Variants in FBXL17 observed in about 807,000 individuals in gnomAD.
FBXL17 encodes F-box/LRR-repeat protein 17.
Under a neutral mutation model 66.2 loss-of-function variants are expected in FBXL17, and 22 were observed. That is an observed-to-expected ratio of 0.33 (90% CI 0.24 to 0.47). The LOEUF is 0.47. FBXL17 is among the 20% of genes least tolerant of loss of function. The probability of loss-of-function intolerance (pLI) is 1.00; values close to 1 mark genes in which losing one functional copy is unlikely to be tolerated. For synonymous variants in FBXL17, 474 were observed against 400.5 expected (o/e 1.18, Z -2.19); for missense variants, 878 against 948.2 (o/e 0.93, Z 0.97).
intron 7 of FBXL17, among the ~76,000 whole-genome samples, chr5:107,967,418 G>A (rs1277902917): frequency 6.6e-6 from 1 of 151,328 alleles, no homozygotes; most frequent in African/African-American, 2.4e-5. Context: ...TCCGAGAGCT[G>A]GCAGTCTATA....
chr5:108,297,886 C>G (rs1424434467), intron 4 of FBXL17: 1 of 933,454 alleles, frequency 1.1e-6, no homozygotes, highest in Non-Finnish European at 1.3e-6. Context: ...AACAAAAAAC[C>G]TAAAATATTC....
At chr5:108,071,141 A>T (rs1748314593) in intron 6 of FBXL17, among the ~76,000 whole-genome samples, 1 of 152,228 alleles carries the variant, frequency 6.6e-6, no homozygotes, top group Admixed American at 6.5e-5. Flanking sequence ...TATCAGGTAC[A>T]GGTTGCATTG....
At chr5:108,169,037 A>G (rs1335801326) in intron 6 of FBXL17, among the ~76,000 whole-genome samples, 1 of 152,192 alleles carries the variant, frequency 6.6e-6, no homozygotes, top group East Asian at 1.9e-4. Context: ...GAAGACGGCC[A>G]TCAAGCAGCA....
chr5:108,054,241 A>G (rs1747597546), intron 6 of FBXL17, among the ~76,000 whole-genome samples: 1 of 120,286 alleles, frequency 8.3e-6, no homozygotes, highest in South Asian at 2.6e-4. Context: ...AAGTAAAATA[A>G]AAATTAAAAA....
chr5:108,209,762 T>C (rs1294780664), intron 5 of FBXL17, among the ~76,000 whole-genome samples: 2 of 152,206 alleles, frequency 1.3e-5, no homozygotes, highest in Non-Finnish European at 2.9e-5. Flanking sequence ...GATACTGGCC[T>C]AAAATTTTCT....
In FBXL17 at chr5:107,946,894, T is replaced by C. The variant is rs76749485; in HGVS notation, c.1823-65715A>G. On this transcript the variant is annotated intron_variant, in intron 7 of 8. Coordinates refer to ENST00000542267, the MANE Select transcript of FBXL17 (RefSeq NM_001163315.3). ...GCAATTAGCAGGAATGGGTACTGGGTAGCGCACAGTGACATCTGGAGGGTG... is the reference window on the plus strand; with the variant it reads ...GCAATTAGCAGGAATGGGTACTGGGCAGCGCACAGTGACATCTGGAGGGTG... 2.2e-3 allele frequency among the ~76,000 whole-genome samples: 332 copies of C among 152,240 alleles called. 1 individual carries two copies. Among genetic ancestry groups the C allele is most frequent in the Non-Finnish European group, 3.6e-3 (243 of 68,018 alleles).
intron 1 of FBXL17, among the ~76,000 whole-genome samples, chr5:108,369,311 T>C (rs975754662): frequency 3.9e-5 from 6 of 152,184 alleles, no homozygotes; most frequent in African/African-American, 1.4e-4. Context: ...TTCGAGTCTG[T>C]CCCTCCTTTC....
At chr5:108,356,259 G>A (rs1423054689) in intron 3 of FBXL17, among the ~76,000 whole-genome samples, 1 of 152,004 alleles carries the variant, frequency 6.6e-6, no homozygotes, top group Non-Finnish European at 1.5e-5. Context: ...AGAACTAGAA[G>A]GAGAAATAGA....
intron 6 of FBXL17, among the ~76,000 whole-genome samples, chr5:108,068,095 A>G (rs1748183215): frequency 6.6e-6 from 1 of 152,192 alleles, no homozygotes; most frequent in Admixed American, 6.5e-5. Flanking sequence ...ATACTTTCAG[A>G]TAGCCTAAAG....
chr5:108,154,348 C>G (rs1450928169), intron 6 of FBXL17, among the ~76,000 whole-genome samples: 2 of 146,880 alleles, frequency 1.4e-5, no homozygotes, highest in African/African-American at 5.0e-5. Context: ...AATCCCAGCA[C>G]TTTGAGAGGC....
chr5:107,880,234 A>AT (rs1304198509), intron 8 of FBXL17: 128 of 355,372 alleles, frequency 3.6e-4, no homozygotes, highest in South Asian at 8.0e-4. Context: ...TGCCTGGCTA[A>AT]TTTTTTTTTG....
Position 108,115,738 on chromosome 5 carries a change from C to T in FBXL17, c.1745+70379G>A, listed in dbSNP as rs142562395. On this transcript the variant is annotated intron_variant, in intron 6 of 8. Coordinates refer to ENST00000542267, the MANE Select transcript of FBXL17 (RefSeq NM_001163315.3). ...CTACAAAATGACCCACATATACACA[C>T]CATGTCAGTAAAGAGCAACTGAGCA... 2.6e-3 allele frequency among the ~76,000 whole-genome samples: 396 copies of T among 152,194 alleles called. 5 individuals carry two copies. Among genetic ancestry groups the T allele is most frequent in the African/African-American group, 9.1e-3 (379 of 41,526 alleles).
rs571417787 is a variant in FBXL17, at chr5:108,020,756, G to C, written c.1822+169C>G. ...GTAATATGCATATTCATTTTACTCTGGTTCTTAGCTCATAATTTTTTTATT... is the reference window on the plus strand; with the variant it reads ...GTAATATGCATATTCATTTTACTCTCGTTCTTAGCTCATAATTTTTTTATT... On this transcript the variant is annotated intron_variant, in intron 7 of 8. Coordinates refer to ENST00000542267, the MANE Select transcript of FBXL17 (RefSeq NM_001163315.3). 313 of 525,098 alleles carry C rather than the reference G, an allele frequency of 6.0e-4. 1 individual carries two copies. Among genetic ancestry groups the C allele is most frequent in the African/African-American group, 5.2e-3 (274 of 52,494 alleles). 32.5% of individuals were successfully genotyped at this position (525,098 alleles called of 1,614,324 possible). A position where few individuals can be genotyped will look rare whatever the true frequency, so the allele number is the denominator to read the frequency against.
chr5:107,961,716 T>C (rs914169025), intron 7 of FBXL17, among the ~76,000 whole-genome samples: 1 of 152,160 alleles, frequency 6.6e-6, no homozygotes, highest in African/African-American at 2.4e-5. Flanking sequence ...TCCTGATAAA[T>C]ATTTTATTTG....
chr5:108,027,567 C>T (rs1184569105), intron 6 of FBXL17, among the ~76,000 whole-genome samples: 1 of 151,932 alleles, frequency 6.6e-6, no homozygotes, highest in Non-Finnish European at 1.5e-5. Flanking sequence ...TTTAGAAATA[C>T]TAAAAGATAT....
intron 1 of FBXL17, among the ~76,000 whole-genome samples, chr5:108,369,858 A>G (rs1472431822): frequency 1.3e-5 from 2 of 152,212 alleles, no homozygotes; most frequent in Non-Finnish European, 2.9e-5. Flanking sequence ...GAATTATTAA[A>G]TAAGATTAAA....
intron 7 of FBXL17, among the ~76,000 whole-genome samples, chr5:107,914,225 A>T (rs1004835437): frequency 1.3e-5 from 2 of 152,150 alleles, no homozygotes; most frequent in African/African-American, 4.8e-5. Context: ...ATGGGTTACT[A>T]GAGTCATGGG....
chr5:108,363,361 C>T (rs762795476), intron 3 of FBXL17, among the ~76,000 whole-genome samples: 1 of 151,778 alleles, frequency 6.6e-6, no homozygotes, highest in Non-Finnish European at 1.5e-5. Flanking sequence ...CCAGCTATAG[C>T]GGTCTTAAGT....
intron 3 of FBXL17, among the ~76,000 whole-genome samples, chr5:108,348,972 T>A (rs1293764339): frequency 6.6e-6 from 1 of 152,120 alleles, no homozygotes; most frequent in Non-Finnish European, 1.5e-5. Flanking sequence ...ACCTGGCTAC[T>A]TTTTAAATTT....
Sources: allele counts gnomAD v4.1 joint callset (sites outside exome capture counted in the v4.1 genomes callset), GRCh38; gene constraint gnomAD v4.1.1; transcripts MANE v1.5; gene names NCBI Gene and HGNC (gene_info 2026-07-23, HGNC 2026-07-21).